Variants in TPD52L1 observed in about 807,000 individuals in gnomAD.
The protein encoded by TPD52L1 is tumor protein D53.
TPD52L1 carries 18 observed loss-of-function variants against 28.7 expected under a neutral mutation model. The ratio of observed to expected loss-of-function variants is 0.63; its 90% CI spans 0.43 to 0.93. The LOEUF is 0.93. Among genes scored for constraint, TPD52L1 ranks in the 40% least tolerant of loss-of-function variants. The pLI, the probability that TPD52L1 is intolerant of heterozygous loss-of-function variation, is 0.00. For synonymous variants in TPD52L1, 75 were observed against 88.8 expected (o/e 0.84, Z 0.88); for missense variants, 203 against 254.8 (o/e 0.80, Z 1.39).
chr6:125,239,438 G>A (rs183993170), intron 3 of TPD52L1, among the ~76,000 whole-genome samples: 1 of 152,272 alleles, frequency 6.6e-6, no homozygotes, highest in East Asian at 1.9e-4. Context: ...ATCTTACATG[G>A]CAGCAGGAAA....
At chr6:125,154,541 C>T (rs564639425) in intron 1 of TPD52L1, 2 of 938,170 alleles carry the variant, frequency 2.1e-6, no homozygotes, top group African/African-American at 2.8e-5. Context: ...ACGTGAGTCC[C>T]GGTTTCCGCG....
intron 1 of TPD52L1, among the ~76,000 whole-genome samples, chr6:125,165,688 C>T (rs1790851262): frequency 6.6e-6 from 1 of 152,214 alleles, no homozygotes; most frequent in South Asian, 2.1e-4. Flanking sequence ...AACTCTTCAA[C>T]TCCTTGGAAA....
intron 1 of TPD52L1, among the ~76,000 whole-genome samples, chr6:125,170,386 C>A (rs1791214029): frequency 6.7e-6 from 1 of 149,714 alleles, no homozygotes; most frequent in Admixed American, 6.6e-5. Flanking sequence ...TATTATGTAG[C>A]CTAGAAAAAT....
chr6:125,177,343 G>C (rs909973555), intron 1 of TPD52L1, among the ~76,000 whole-genome samples: 10 of 152,160 alleles, frequency 6.6e-5, no homozygotes, highest in Admixed American at 6.5e-4. Flanking sequence ...GTGAACTCCT[G>C]ATTTTTCCCC....
At chr6:125,231,220 C>T (rs1351653347) in intron 3 of TPD52L1, 3 of 152,238 alleles carry the variant, frequency 2.0e-5, no homozygotes, top group African/African-American at 4.8e-5. Context: ...GCATGGCCTT[C>T]CTAATCACAT....
At chr6:125,215,012 T>G (rs138680042) in intron 1 of TPD52L1, among the ~76,000 whole-genome samples, 14 of 152,284 alleles carry the variant, frequency 9.2e-5, no homozygotes, top group African/African-American at 3.4e-4. Context: ...GGGCCACAGT[T>G]TGCACATTTG....
In TPD52L1 at chr6:125,229,196, G is replaced by A. The variant is rs761264762; in HGVS notation, c.214G>A (p.Gly72Ser). Residue 72 changes from glycine (G) to serine (S), a missense_variant, in exon 3 of 7, where the codon GGC (glycine) becomes AGC (serine). Transcript: ENST00000534000. ...TCTAGTTGAGATAAAACAAAAACTCGGCATGAACCTGATGAATGAATTAAA... is the reference window on the plus strand; with the variant it reads ...TCTAGTTGAGATAAAACAAAAACTCAGCATGAACCTGATGAATGAATTAAA... The part of the protein sequence containing the change: ...RHLVEIKQKL[G>S]MNLMNELKQN... 3.0e-5 allele frequency: 48 copies of A among 1,613,426 alleles called. No individual in the cohort carries two copies. The South Asian group carries it at 3.6e-4, about 12-fold the overall frequency.
At chr6:125,177,129 A>G (rs1024346411) in intron 1 of TPD52L1, among the ~76,000 whole-genome samples, 1 of 152,202 alleles carries the variant, frequency 6.6e-6, no homozygotes, top group African/African-American at 2.4e-5. Context: ...TTGAGTTTTG[A>G]GATACATTCA....
intron 3 of TPD52L1, among the ~76,000 whole-genome samples, chr6:125,242,977 G>A (rs1455637487): frequency 6.6e-6 from 1 of 152,150 alleles, no homozygotes; most frequent in Non-Finnish European, 1.5e-5. Context: ...AGCATTTCTT[G>A]TCAGGCTGGC....
At chr6:125,203,729 C>T (rs1793939308) in intron 1 of TPD52L1, 2 of 985,226 alleles carry the variant, frequency 2.0e-6, no homozygotes, top group Admixed American at 6.2e-5. Flanking sequence ...ATCCAGTTGG[C>T]TCCCCTGGAG....
chr6:125,243,020 G>C (rs1029792685), intron 3 of TPD52L1, among the ~76,000 whole-genome samples: 2 of 152,100 alleles, frequency 1.3e-5, no homozygotes, highest in African/African-American at 4.8e-5. Flanking sequence ...GCATTTGTTT[G>C]TCTGCAAAAG....
intron 1 of TPD52L1, among the ~76,000 whole-genome samples, chr6:125,187,436 G>A (rs62432193): frequency 0.088 from 13,397 of 152,168 alleles, 719 homozygotes; most frequent in Middle Eastern, 0.14. Context: ...GTAATGATAC[G>A]TGTACAAAAA....
intron 1 of TPD52L1, among the ~76,000 whole-genome samples, chr6:125,160,565 T>A (rs138210336): frequency 5.3e-5 from 8 of 152,102 alleles, no homozygotes; most frequent in African/African-American, 1.7e-4. Flanking sequence ...ACTTTTTGAA[T>A]AGTAAGTGAG....
intron 1 of TPD52L1, among the ~76,000 whole-genome samples, chr6:125,217,790 C>T (rs190647351): frequency 9.3e-4 from 142 of 152,228 alleles, no homozygotes; most frequent in Admixed American, 4.4e-3. Flanking sequence ...TAATTTAATT[C>T]CTAAGTGATA....
intron 2 of TPD52L1, among the ~76,000 whole-genome samples, chr6:125,228,480 G>A (rs1260045972): frequency 6.6e-6 from 1 of 152,126 alleles, no homozygotes; most frequent in African/African-American, 2.4e-5. Flanking sequence ...GCATTAGCTT[G>A]GCAAAACCCC....
intron 1 of TPD52L1, among the ~76,000 whole-genome samples, chr6:125,200,234 A>T (rs760806059): frequency 1.4e-4 from 21 of 152,140 alleles, no homozygotes; most frequent in Admixed American, 3.3e-4. Flanking sequence ...TGATCTATTT[A>T]AAAAAATAGC....
rs1299524538 is a variant in TPD52L1, at chr6:125,222,909, T to C, written c.135+2716T>C. Among the ~76,000 whole-genome samples the C allele has an allele frequency of 5.9e-5, 9 of 152,176 alleles. No individual in the cohort carries two copies. In the East Asian group the frequency reaches 1.7e-3, roughly 29 times the overall value. On this transcript the variant is annotated intron_variant, in intron 2 of 6. Coordinates refer to ENST00000534000, the MANE Select transcript of TPD52L1 (RefSeq NM_003287.4). ...ACTGGAAAAGAAAAAGAAAACAAAC[T>C]GTAACTAATCAAATTGCTGTAACTC...
chr6:125,220,111 A>T lies in TPD52L1; in HGVS notation c.53A>T (p.Asp18Val). ...GAGACTGAACCGTTGCAAGGAACAG[A>T]CGAAGATGCAGTAGCCAGTGCTGAC... ...LLETEPLQGT[D>V]EDAVASADFS... is the part of the protein sequence containing the mutation. The change falls in exon 2 of 7, where the codon GAC becomes GTC. Residue 18 changes from aspartate to valine, a missense_variant. Physicochemically the swap from Asp to Val is radical, Grantham distance 152. Transcript: ENST00000534000. 1 of 1,613,872 alleles carries T rather than the reference A, an allele frequency of 6.2e-7. No individual in the cohort carries two copies. The highest frequency in any genetic ancestry group is 8.5e-7 in the Non-Finnish European group (1 of 1,179,804).
intron 1 of TPD52L1, among the ~76,000 whole-genome samples, chr6:125,203,006 TC>T (rs1356159099): frequency 1.3e-5 from 2 of 152,100 alleles, no homozygotes; most frequent in African/African-American, 2.4e-5. Flanking sequence ...CCTCAGGTGA[TC>T]CACCCACCTT....
Sources: gnomAD v4.1 joint callset for allele counts (sites outside exome capture counted in the v4.1 genomes callset) on GRCh38, gnomAD v4.1.1 for gene constraint, MANE v1.5 for transcripts, NCBI Gene and HGNC (gene_info 2026-07-23, HGNC 2026-07-21) for gene names.